The following MACROD2 variants were observed in gnomAD, a reference collection of about 807,000 sequenced individuals.
The protein encoded by MACROD2 is ADP-ribose glycohydrolase MACROD2.
Under a neutral mutation model 70.4 loss-of-function variants are expected in MACROD2, and 36 were observed. The ratio of observed to expected loss-of-function variants is 0.51; its 90% CI spans 0.39 to 0.68. The LOEUF is 0.68. MACROD2 is among the 30% of genes least tolerant of loss of function. MACROD2 has a pLI of 0.00. For synonymous variants in MACROD2, 172 were observed against 178.8 expected (o/e 0.96, Z 0.30); for missense variants, 496 against 538.4 (o/e 0.92, Z 0.78).
intron 8 of MACROD2, among the ~76,000 whole-genome samples, chr20:15,786,491 A>G (rs1189666067): frequency 6.6e-6 from 1 of 152,242 alleles, no homozygotes; most frequent in Non-Finnish European, 1.5e-5. Context: ...TTGATGTATT[A>G]TAGTATCTGA....
chr20:15,693,411 C>G (rs939054033), intron 8 of MACROD2, among the ~76,000 whole-genome samples: 36 of 152,220 alleles, frequency 2.4e-4, no homozygotes, highest in East Asian at 1.7e-3. Flanking sequence ...GGATTCATTC[C>G]TCCTGTGGTT....
At chr20:15,051,338 ATGTGTGTGTGTGTGTGTGTGTG>A (rs6147297) in intron 5 of MACROD2, among the ~76,000 whole-genome samples, 4,003 of 129,430 alleles carry the variant, frequency 0.031, 83 homozygotes, top group Middle Eastern at 0.044. Context: ...TCAGTAGGAG[ATGTGTGTGTGTGTGTGTGTGTG>A]TGTGTGTGTG....
At chr20:14,053,662 T>C (rs1393590700) in intron 2 of MACROD2, 9 of 152,178 alleles carry the variant, frequency 5.9e-5, no homozygotes, top group African/African-American at 1.7e-4. Flanking sequence ...TTTTTGTCAA[T>C]AAATACTAAT....
chr20:15,358,244 A>G (rs1298932001), intron 6 of MACROD2, among the ~76,000 whole-genome samples: 4 of 152,210 alleles, frequency 2.6e-5, no homozygotes, highest in African/African-American at 4.8e-5. Flanking sequence ...AGAGATAAGT[A>G]GTATATTTAC....
At chr20:14,863,242 C>T (rs1393232418) in intron 5 of MACROD2, among the ~76,000 whole-genome samples, 1 of 152,030 alleles carries the variant, frequency 6.6e-6, no homozygotes, top group Non-Finnish European at 1.5e-5. Context: ...TGCCAATGCA[C>T]ATATCTGTGG....
chr20:15,197,293 A>C (rs547051003), intron 5 of MACROD2, among the ~76,000 whole-genome samples: 1 of 152,276 alleles, frequency 6.6e-6, no homozygotes, highest in South Asian at 2.1e-4. Flanking sequence ...CAAAAAGAGA[A>C]TACTAGTAAA....
chr20:14,249,805 C>G (rs1219167099), intron 3 of MACROD2, among the ~76,000 whole-genome samples: 2 of 151,956 alleles, frequency 1.3e-5, no homozygotes, highest in Admixed American at 1.3e-4. Flanking sequence ...ATACAATATA[C>G]TACGACAGAA....
intron 6 of MACROD2, among the ~76,000 whole-genome samples, chr20:15,298,785 G>A (rs1208798927): frequency 6.6e-6 from 1 of 151,996 alleles, no homozygotes; most frequent in African/African-American, 2.4e-5. Context: ...CAGTTACCAG[G>A]TGCCTCCTAT....
rs573805743 is a variant in MACROD2 at position 15,923,746 on chromosome 20, T to C, written c.776-9530T>C. On this transcript the variant is annotated intron_variant, in intron 10 of 17. Transcript: ENST00000684519. ...AAGCAGGAGATCTTAGACAAGAGCT[T>C]CCTGTGCCTAAAATTCCACACAAAC... 4.0e-5 allele frequency among the ~76,000 whole-genome samples: 6 copies of C among 151,274 alleles called. No homozygotes were observed. In the South Asian group the frequency reaches 1.2e-3, roughly 31 times the overall value.
intron 3 of MACROD2, among the ~76,000 whole-genome samples, chr20:14,363,816 C>CAAAAAAAAAAAAAAAAAA (rs569929488): frequency 2.8e-5 from 2 of 71,560 alleles, no homozygotes; most frequent in Non-Finnish European, 4.8e-5. Context: ...GACTCTGTCT[C>CAAAAAAAAAAAAAAAAAA]AAAAAAAAAA....
At chr20:15,117,798 T>C (rs1402785699) in intron 5 of MACROD2, among the ~76,000 whole-genome samples, 1 of 152,196 alleles carries the variant, frequency 6.6e-6, no homozygotes, top group African/African-American at 2.4e-5. Context: ...ATTGGCTCCA[T>C]AGACTTAATG....
In MACROD2 at chr20:15,531,340, ATTAT is replaced by A. The variant is rs533308436; in HGVS notation, c.645+31498_645+31501del. On this transcript the variant is annotated intron_variant, in intron 8 of 17. Transcript: ENST00000684519. ...AAACAAAAATAAAATATAAACATGT[ATTAT>A]TTATGTTAATTTTCTCTTTATTAAT... Among the ~76,000 whole-genome samples the A allele has an allele frequency of 3.6e-3, 550 of 151,954 alleles. 3 individuals carry two copies. The highest frequency in any genetic ancestry group is 0.013 in the African/African-American group (521 of 41,544).
chr20:15,460,142 T>C (rs899748620), intron 7 of MACROD2, among the ~76,000 whole-genome samples: 5 of 152,156 alleles, frequency 3.3e-5, no homozygotes, highest in African/African-American at 1.2e-4. Context: ...AGGTTTGTAG[T>C]TGTTTTCAGC....
At chr20:14,555,981 A>G (rs1299216184) in intron 4 of MACROD2, among the ~76,000 whole-genome samples, 4 of 152,122 alleles carry the variant, frequency 2.6e-5, no homozygotes, top group African/African-American at 9.6e-5. Flanking sequence ...TCATCCAACT[A>G]TTTTAACTAA....
intron 8 of MACROD2, among the ~76,000 whole-genome samples, chr20:15,511,194 T>C (rs529788228): frequency 8.9e-4 from 135 of 152,350 alleles, no homozygotes; most frequent in Non-Finnish European, 1.5e-3. Flanking sequence ...ATATATCCTC[T>C]GTTGTGTGCA....
intron 6 of MACROD2, among the ~76,000 whole-genome samples, chr20:15,284,363 A>G (rs1056759577): frequency 5.3e-5 from 8 of 152,124 alleles, no homozygotes; most frequent in Non-Finnish European, 1.2e-4. Flanking sequence ...GTCATTGAAT[A>G]TGTTCCCTTT....
At chr20:15,987,378 T>C (rs1306379123) in intron 15 of MACROD2, among the ~76,000 whole-genome samples, 1 of 152,188 alleles carries the variant, frequency 6.6e-6, no homozygotes, top group Non-Finnish European at 1.5e-5. Flanking sequence ...AGCATAAAGA[T>C]GTTTTTGTTA....
intron 8 of MACROD2, among the ~76,000 whole-genome samples, chr20:15,524,320 G>T (rs1286602825): frequency 6.6e-6 from 1 of 151,932 alleles, no homozygotes; most frequent in Non-Finnish European, 1.5e-5. Flanking sequence ...AGCAGGCTGG[G>T]CAGAGACTCC....
At chr20:14,224,858 T>A (rs2081717470) in intron 3 of MACROD2, among the ~76,000 whole-genome samples, 2 of 152,254 alleles carry the variant, frequency 1.3e-5, no homozygotes, top group Admixed American at 1.3e-4. Context: ...CAAATGCCAC[T>A]GTTGTGAATA....
Sources: allele counts gnomAD v4.1 joint callset (sites outside exome capture counted in the v4.1 genomes callset), GRCh38; gene constraint gnomAD v4.1.1; transcripts MANE v1.5; gene names NCBI Gene and HGNC (gene_info 2026-07-23, HGNC 2026-07-21).